Variants in ADAM22 observed in about 807,000 individuals in gnomAD.
ADAM22 encodes the protein ADAM metallopeptidase domain 22.
A neutral mutation model predicts 144.6 loss-of-function variants in ADAM22; 65 were observed. The ratio of observed to expected loss-of-function variants is 0.45; its 90% confidence interval spans 0.37 to 0.55. The LOEUF is 0.55. Among genes scored for constraint, ADAM22 ranks in the 20% least tolerant of loss-of-function variants. ADAM22 has a pLI of 0.00. For missense variants in ADAM22, 974 were observed against 1,184.9 expected, an observed-to-expected ratio of 0.82 and a Z score of 2.61; for synonymous variants, 391 against 412.6, an observed-to-expected ratio of 0.95 and a Z score of 0.63.
intron 2 of ADAM22, chr7:87,964,561 G>C (rs527973031): frequency 1.9e-4 from 72 of 375,546 alleles, no homozygotes; most frequent in Non-Finnish European, 2.7e-4. Flanking sequence ...AGAATAATTT[G>C]ATTATTTTTC....
At chr7:88,002,069 A>G (rs1792696798) in intron 3 of ADAM22, among the ~76,000 whole-genome samples, 1 of 152,060 alleles carries the variant, frequency 6.6e-6, no homozygotes, top group Non-Finnish European at 1.5e-5. Context: ...GTCAAATATG[A>G]TGCATATCAT....
intron 27 of ADAM22, among the ~76,000 whole-genome samples, chr7:88,179,566 G>C (rs982842764): frequency 6.6e-6 from 1 of 151,876 alleles, no homozygotes; most frequent in Admixed American, 6.6e-5. Flanking sequence ...GCCTTTTTTG[G>C]GGGGTGATTA....
At chr7:88,113,699 A>ATATATATATATATAT (rs1554478638) in intron 5 of ADAM22, among the ~76,000 whole-genome samples, 3 of 39,464 alleles carry the variant, frequency 7.6e-5, no homozygotes, top group Non-Finnish European at 1.3e-4. Context: ...TAAATAAATA[A>ATATATATATATATAT]ATAAATATAT....
At chr7:88,029,748 T>C (rs1799806737) in intron 3 of ADAM22, among the ~76,000 whole-genome samples, 1 of 152,160 alleles carries the variant, frequency 6.6e-6, no homozygotes. Context: ...GGATATACTA[T>C]TCTGGGGTAA....
At chr7:87,936,403 C>CAT in intron 2 of ADAM22, among the ~76,000 whole-genome samples, 1 of 152,114 alleles carries the variant, frequency 6.6e-6, no homozygotes, top group Non-Finnish European at 1.5e-5. Context: ...ACTGAAGAAG[C>CAT]AGGGGCCATA....
At chr7:88,176,440 T>C (rs1457627510) in intron 26 of ADAM22, among the ~76,000 whole-genome samples, 1 of 152,222 alleles carries the variant, frequency 6.6e-6, no homozygotes, top group Non-Finnish European at 1.5e-5. Context: ...TACATTGAAC[T>C]GAAACTGACT....
At chr7:88,074,461 A>G (rs1813663409) in intron 3 of ADAM22, among the ~76,000 whole-genome samples, 1 of 152,228 alleles carries the variant, frequency 6.6e-6, no homozygotes, top group Non-Finnish European at 1.5e-5. Context: ...TTTATCAAGT[A>G]GAACTGAATA....
At chr7:88,033,970 C>T (rs1281775593) in intron 3 of ADAM22, among the ~76,000 whole-genome samples, 1 of 152,122 alleles carries the variant, frequency 6.6e-6, no homozygotes, top group Non-Finnish European at 1.5e-5. Context: ...CAGAGCAGAT[C>T]CAGAAATGCC....
chr7:87,983,157 T>G (rs1283470979), intron 3 of ADAM22, among the ~76,000 whole-genome samples: 1 of 152,132 alleles, frequency 6.6e-6, no homozygotes, highest in Non-Finnish European at 1.5e-5. Context: ...AAAATTTTCT[T>G]AGATATTTTT....
At chr7:88,001,597 A>T (rs1302597376) in intron 3 of ADAM22, among the ~76,000 whole-genome samples, 1 of 151,976 alleles carries the variant, frequency 6.6e-6, no homozygotes, top group Non-Finnish European at 1.5e-5. Context: ...CCCTAATTTT[A>T]TAGGCCTGTG....
chr7:88,125,599 A>C lies in ADAM22; in HGVS notation c.618A>C (p.Gln206His). 6.3e-7 allele frequency: 1 copy of C among 1,593,260 alleles called. No homozygotes were observed. The change falls in exon 8 of 32, where the codon CAA becomes CAC. Residue 206 changes from glutamine (Q) to histidine (H), a missense_variant. By Grantham distance (24) the Gln-to-His change is conservative. Around this residue, in one of 2 missense-constraint regions of ADAM22, gnomAD observed 734 missense variants for 950.6 expected, o/e 0.77. Transcript: ENST00000413139. ...TTAATTTCCTTTTAGAATTTCAGCA[A>C]GTAAACATTACTCCATCAAAATTTA... is the stretch of plus-strand genomic sequence containing the variant. Reference protein sequence around the residue: ...SLDDLPSEFQQVNITPSKFIL... With the variant: ...SLDDLPSEFQHVNITPSKFIL...
At chr7:88,107,198 CTTTTTTTTTTTTTT>C (rs561936408) in intron 4 of ADAM22, among the ~76,000 whole-genome samples, 1 of 76,582 alleles carries the variant, frequency 1.3e-5, no homozygotes, top group African/African-American at 5.3e-5. Flanking sequence ...GATTGAATTT[CTTTTTTTTTTTTTT>C]TTTTTTTTTT....
chr7:87,951,070 T>G (rs1376878951), intron 2 of ADAM22, among the ~76,000 whole-genome samples: 3 of 152,212 alleles, frequency 2.0e-5, no homozygotes, highest in African/African-American at 7.2e-5. Flanking sequence ...TTGCAAAAAT[T>G]TTCTCCCATT....
intron 7 of ADAM22, among the ~76,000 whole-genome samples, chr7:88,121,928 A>G (rs1338589171): frequency 6.6e-6 from 1 of 152,204 alleles, no homozygotes; most frequent in Non-Finnish European, 1.5e-5. Flanking sequence ...GAAAAATTAG[A>G]AAGTAGCTGA....
chr7:87,938,804 C>T (rs1019944968), intron 2 of ADAM22, among the ~76,000 whole-genome samples: 12 of 152,036 alleles, frequency 7.9e-5, no homozygotes, highest in African/African-American at 2.9e-4. Flanking sequence ...CGCGTGCCAC[C>T]ACACCTGGCT....
At chr7:88,016,183 A>C (rs1318666453) in intron 3 of ADAM22, among the ~76,000 whole-genome samples, 1 of 152,208 alleles carries the variant, frequency 6.6e-6, no homozygotes, top group African/African-American at 2.4e-5. Flanking sequence ...AGTAATCTTC[A>C]TGCAAATTGA....
At chr7:87,948,360 A>G (rs543133671) in intron 2 of ADAM22, among the ~76,000 whole-genome samples, 30 of 152,146 alleles carry the variant, frequency 2.0e-4, no homozygotes, top group Admixed American at 6.5e-4. Flanking sequence ...TTGTAAACCT[A>G]TATTTTGTGA....
intron 25 of ADAM22, chr7:88,168,510 G>C: frequency 2.3e-6 from 1 of 434,784 alleles, no homozygotes. Context: ...AAACTGGTAA[G>C]TTGTAACTTT....
At chr7:88,074,933 A>AT (rs1424135936) in intron 3 of ADAM22, among the ~76,000 whole-genome samples, 1 of 152,162 alleles carries the variant, frequency 6.6e-6, no homozygotes, top group African/African-American at 2.4e-5. Flanking sequence ...AGCTTGATGC[A>AT]TTTTTTAAAA....
Sources: allele counts gnomAD v4.1 joint callset (sites outside exome capture counted in the v4.1 genomes callset), GRCh38; gene constraint gnomAD v4.1.1; regional missense constraint gnomAD v4.1.1; transcripts MANE v1.5; gene names NCBI Gene and HGNC (gene_info 2026-07-23, HGNC 2026-07-21).